Variants in TRPS1 observed in about 807,000 individuals in gnomAD.
TRPS1 encodes transcriptional repressor GATA binding 1.
A neutral mutation model predicts 101.2 loss-of-function variants in TRPS1; 6 were observed. The observed-to-expected ratio is 0.06, with a 90% CI of 0.03 to 0.12. The LOEUF (loss-of-function observed/expected upper bound fraction) is 0.12, where lower values mean the gene tolerates loss of function less well. Ranked by LOEUF, TRPS1 falls within the 10% of genes least tolerant of loss-of-function variation. TRPS1 has a pLI of 1.00. For missense variants in TRPS1, 1,363 were observed against 1,567.0 expected, an observed-to-expected ratio of 0.87 and a Z score of 2.20; for synonymous variants, 578 against 589.8, an observed-to-expected ratio of 0.98 and a Z score of 0.29.
intron 1 of TRPS1, among the ~76,000 whole-genome samples, chr8:115,626,075 T>G (rs1818501863): frequency 1.3e-5 from 2 of 151,800 alleles, no homozygotes; most frequent in Non-Finnish European, 3.0e-5. Context: ...ACACATTTCA[T>G]GTAGCTTTTA....
At chr8:115,572,584 T>C (rs1240884555) in intron 5 of TRPS1, among the ~76,000 whole-genome samples, 1 of 152,212 alleles carries the variant, frequency 6.6e-6, no homozygotes, top group Non-Finnish European at 1.5e-5. Flanking sequence ...TCAGTGTCTA[T>C]AGCTTAGTCA....
At chr8:115,635,692 G>C (rs1358755339) in intron 1 of TRPS1, among the ~76,000 whole-genome samples, 1 of 152,204 alleles carries the variant, frequency 6.6e-6, no homozygotes, top group Non-Finnish European at 1.5e-5. Flanking sequence ...GGTGAAAAGA[G>C]AGGATTGAGT....
At chr8:115,534,106 C>A (rs2130278053) in intron 5 of TRPS1, among the ~76,000 whole-genome samples, 2 of 151,456 alleles carry the variant, frequency 1.3e-5, no homozygotes, top group African/African-American at 4.9e-5. Flanking sequence ...GAAGCTCTAA[C>A]CCTGATACCA....
chr8:115,610,360 A>G (rs777538714), intron 3 of TRPS1, among the ~76,000 whole-genome samples: 1 of 152,198 alleles, frequency 6.6e-6, no homozygotes, highest in Non-Finnish European at 1.5e-5. Context: ...GCTTATATAC[A>G]TCGGGAATTT....
chr8:115,490,522 T>C (rs1814994570), intron 5 of TRPS1, among the ~76,000 whole-genome samples: 1 of 152,186 alleles, frequency 6.6e-6, no homozygotes. Context: ...TTTGGAATTC[T>C]ATATTATAAA....
rs778331175 is a variant in TRPS1, at chr8:115,414,075, C to T, written c.3833G>A (p.Gly1278Asp). ...KYDFTTHIQR[G>D]LHRNNAQVEK... ...CACTTGTGCATTGTTCCTATGCAGG[C>T]CCCTCTGGATATGTGTTGTGAAGTC... is the stretch of plus-strand genomic sequence containing the variant. The change falls in exon 7 of 7, where the codon GGC becomes GAC. Residue 1278 changes from glycine (G) to aspartate (D), a missense_variant. Physicochemically the swap from Gly to Asp is moderately conservative, Grantham distance 94. This residue lies in a region of TRPS1 where 307 missense variants were observed against 392.4 expected (regional missense o/e 0.78). Coordinates refer to ENST00000395715, the MANE Select transcript of TRPS1 (RefSeq NM_014112.5). The surrounding 1 kb of genome is among the most constrained non-coding windows in gnomAD (Gnocchi z 4.8). 1.9e-6 allele frequency: 3 copies of T among 1,613,702 alleles called. No homozygotes were observed. The highest frequency in any genetic ancestry group is 2.5e-6 in the Non-Finnish European group (3 of 1,179,854).
intron 5 of TRPS1, among the ~76,000 whole-genome samples, chr8:115,564,324 C>T (rs1416217299): frequency 1.3e-5 from 2 of 151,984 alleles, no homozygotes; most frequent in Admixed American, 1.3e-4. Context: ...GCCTTTAATA[C>T]TTAATTTTAT....
chr8:115,534,213 G>C (rs1586373809), intron 5 of TRPS1, among the ~76,000 whole-genome samples: 1 of 145,508 alleles, frequency 6.9e-6, no homozygotes, highest in South Asian at 2.3e-4. Flanking sequence ...AGCTCTAACT[G>C]CAGTACCATC....
intron 3 of TRPS1, among the ~76,000 whole-genome samples, chr8:115,608,327 G>A (rs879819601): frequency 1.6e-4 from 25 of 152,048 alleles, no homozygotes; most frequent in Admixed American, 1.2e-3. Flanking sequence ...AAAACTACAC[G>A]TATTTATCCC....
At chr8:115,523,775 C>T (rs971351656) in intron 5 of TRPS1, among the ~76,000 whole-genome samples, 5 of 152,136 alleles carry the variant, frequency 3.3e-5, no homozygotes, top group African/African-American at 1.2e-4. Flanking sequence ...TAAGGCTTGG[C>T]TGTCAAAAGG....
chr8:115,597,349 T>C (rs1307233665), intron 4 of TRPS1, among the ~76,000 whole-genome samples: 1 of 151,992 alleles, frequency 6.6e-6, no homozygotes, highest in Non-Finnish European at 1.5e-5. Flanking sequence ...TCTTTTTGTT[T>C]GGTTATGATT....
intron 6 of TRPS1, among the ~76,000 whole-genome samples, chr8:115,416,235 C>T (rs943390389): frequency 9.2e-5 from 14 of 151,956 alleles, no homozygotes; most frequent in Admixed American, 8.5e-4. Context: ...ACATGTTCAA[C>T]AGGTATTTAT....
At chr8:115,590,048 C>T (rs1016575778) in intron 4 of TRPS1, among the ~76,000 whole-genome samples, 2 of 151,914 alleles carry the variant, frequency 1.3e-5, no homozygotes, top group African/African-American at 4.8e-5. Context: ...ACCTGGGAGG[C>T]GGAGGTTGCA....
intron 5 of TRPS1, among the ~76,000 whole-genome samples, chr8:115,492,380 A>G (rs894137543): frequency 2.0e-5 from 3 of 152,062 alleles, no homozygotes; most frequent in African/African-American, 7.2e-5. Context: ...ATATCTAAAC[A>G]TTTTGTCAGA....
chr8:115,504,309 T>C (rs1442748401), intron 5 of TRPS1, among the ~76,000 whole-genome samples: 1 of 152,170 alleles, frequency 6.6e-6, no homozygotes, highest in Non-Finnish European at 1.5e-5. Flanking sequence ...GGGACTACTA[T>C]AAAAACAACC....
chr8:115,471,214 G>A (rs1300138404), intron 5 of TRPS1, among the ~76,000 whole-genome samples: 1 of 152,186 alleles, frequency 6.6e-6, no homozygotes, highest in Admixed American at 6.5e-5. Context: ...AATTTATAAA[G>A]ATCAGAGGTT....
chr8:115,410,910 C>T lies in TRPS1; in HGVS notation c.*3113G>A, dbSNP rs539998007. 13 of 151,324 alleles carry T rather than the reference C, an allele frequency of 8.6e-5. 1 individual carries two copies. The highest frequency in any genetic ancestry group is 6.3e-4 in the South Asian group (3 of 4,782). 9.4% of individuals were successfully genotyped at this position (151,324 alleles called of 1,614,324 possible). A position where few individuals can be genotyped will look rare whatever the true frequency, so the allele number is the denominator to read the frequency against. ...TGAAATTCCTCATTAAAAAAAGTTC[C>T]GTACCATAATAGCTCGTTTAAAATC... On this transcript the variant is annotated 3_prime_UTR_variant, in exon 7 of 7. Coordinates refer to ENST00000395715, the MANE Select transcript of TRPS1 (RefSeq NM_014112.5).
At chr8:115,441,612 C>A (rs561277704) in intron 5 of TRPS1, among the ~76,000 whole-genome samples, 7 of 152,154 alleles carry the variant, frequency 4.6e-5, no homozygotes, top group African/African-American at 1.7e-4. Context: ...AGTAAGAAAT[C>A]ATGCTTAGTT....
chr8:115,441,898 A>AGAGAGAGAGTGTGT (rs1554620719), intron 5 of TRPS1, among the ~76,000 whole-genome samples: 1 of 116,150 alleles, frequency 8.6e-6, no homozygotes, highest in African/African-American at 3.4e-5. Context: ...AGAGAGAGAG[A>AGAGAGAGAGTGTGT]GTGTGTGTGT....
Sources: gnomAD v4.1 joint callset for allele counts (sites outside exome capture counted in the v4.1 genomes callset) on GRCh38, gnomAD v4.1.1 for gene constraint, gnomAD v4.1.1 regional missense constraint, Gnocchi (gnomAD v3.1) non-coding constraint, MANE v1.5 for transcripts, NCBI Gene and HGNC (gene_info 2026-07-23, HGNC 2026-07-21) for gene names.